The following RBFOX1 variants were observed in gnomAD, a reference collection of about 807,000 sequenced individuals.
RBFOX1 encodes RNA binding fox-1 homolog 1.
RBFOX1 carries 8 observed loss-of-function variants against 57.7 expected under a neutral mutation model. That is an observed-to-expected ratio of 0.14 (90% CI 0.08 to 0.25). RBFOX1 has a LOEUF of 0.25. Among genes scored for constraint, RBFOX1 ranks in the 10% least tolerant of loss-of-function variants. The probability of loss-of-function intolerance (pLI) is 1.00; values close to 1 mark genes in which losing one functional copy is unlikely to be tolerated. For missense variants in RBFOX1, 611 were observed against 548.5 expected, an observed-to-expected ratio of 1.11 and a Z score of -1.14; for synonymous variants, 326 against 222.4, an observed-to-expected ratio of 1.47 and a Z score of -4.15.
intron 3 of RBFOX1, among the ~76,000 whole-genome samples, chr16:6,760,389 C>CT (rs1245131054): frequency 1.3e-5 from 2 of 152,264 alleles, no homozygotes; most frequent in South Asian, 2.1e-4. Context: ...TCTTCAACAT[C>CT]TTAACTATCT....
At chr16:7,460,417 GTATATACATA>G (rs1567285750) in intron 4 of RBFOX1, among the ~76,000 whole-genome samples, 19 of 125,308 alleles carry the variant, frequency 1.5e-4, no homozygotes, top group Admixed American at 4.2e-4. Flanking sequence ...GTGTGTGTGT[GTATATACATA>G]TGTGTGTGTA....
At chr16:5,778,437 C>A (rs1177237383) in intron 3 of RBFOX1, among the ~76,000 whole-genome samples, 1 of 152,180 alleles carries the variant, frequency 6.6e-6, no homozygotes, top group East Asian at 1.9e-4. Flanking sequence ...CTTCAGCTCC[C>A]TGCCAGCCCA....
At chr16:6,245,589 C>T (rs1024504488) in intron 1 of RBFOX1, among the ~76,000 whole-genome samples, 1 of 152,172 alleles carries the variant, frequency 6.6e-6, no homozygotes, top group Non-Finnish European at 1.5e-5. Flanking sequence ...GCCCTCTACA[C>T]ACTAATAATA....
At chr16:6,270,252 G>A (rs1313710786) in intron 1 of RBFOX1, among the ~76,000 whole-genome samples, 1 of 152,020 alleles carries the variant, frequency 6.6e-6, no homozygotes, top group African/African-American at 2.4e-5. Context: ...TACATTAAAT[G>A]GCAATGGCCT....
At chr16:7,631,077 C>T (rs567887750) in intron 11 of RBFOX1, among the ~76,000 whole-genome samples, 16 of 152,306 alleles carry the variant, frequency 1.1e-4, no homozygotes, top group African/African-American at 2.6e-4. Context: ...GATTCTTGTA[C>T]ACAGTTGTCT....
At chr16:7,605,348 G>C (rs565869320) in intron 9 of RBFOX1, among the ~76,000 whole-genome samples, 1 of 152,112 alleles carries the variant, frequency 6.6e-6, no homozygotes, top group South Asian at 2.1e-4. Context: ...GAAACCGCTA[G>C]GGCAGTAGGT....
intron 2 of RBFOX1, among the ~76,000 whole-genome samples, chr16:6,506,873 C>G (rs1015053896): frequency 2.0e-5 from 3 of 152,068 alleles, no homozygotes; most frequent in Non-Finnish European, 2.9e-5. Flanking sequence ...GTCTCAAACT[C>G]CTGACCTCAA....
intron 4 of RBFOX1, among the ~76,000 whole-genome samples, chr16:7,214,964 G>A (rs1213400893): frequency 6.6e-6 from 1 of 152,128 alleles, no homozygotes; most frequent in Non-Finnish European, 1.5e-5. Flanking sequence ...AGGTGTCCAC[G>A]TGCCATGGTG....
intron 4 of RBFOX1, among the ~76,000 whole-genome samples, chr16:7,198,688 C>A (rs1050336911): frequency 6.6e-5 from 10 of 152,186 alleles, no homozygotes; most frequent in African/African-American, 2.2e-4. Flanking sequence ...ACTTTTATAA[C>A]AATCCACTCA....
rs889669390 is a variant in RBFOX1 at position 7,165,933 on chromosome 16, TACACACAC to T, written c.27+113861_27+113868del. On this transcript the variant is annotated intron_variant, in intron 4 of 15. Coordinates refer to ENST00000550418, the MANE Select transcript of RBFOX1 (RefSeq NM_018723.4). The stretch of plus-strand genomic sequence containing the variant: ...CCCCCTGCACCCCACCGCATGCACA[TACACACAC>T]ACACACACACACACACACACACACA... Among the ~76,000 whole-genome samples the T allele has an allele frequency of 5.4e-3, 779 of 143,262 alleles. 4 individuals are homozygous for T. Among genetic ancestry groups the T allele is most frequent in the Non-Finnish European group, 9.2e-3 (604 of 65,954 alleles). 94.0% of individuals were successfully genotyped at this position (143,262 alleles called of 152,430 possible). A position where few individuals can be genotyped will look rare whatever the true frequency, so the allele number is the denominator to read the frequency against.
intron 3 of RBFOX1, among the ~76,000 whole-genome samples, chr16:6,767,839 G>A (rs565377086): frequency 2.4e-4 from 36 of 151,444 alleles, no homozygotes; most frequent in African/African-American, 7.0e-4. Context: ...GCTTGAACCC[G>A]GGAGGTGGAG....
intron 3 of RBFOX1, among the ~76,000 whole-genome samples, chr16:6,801,817 T>G (rs2085532482): frequency 1.3e-5 from 2 of 152,148 alleles, no homozygotes; most frequent in African/African-American, 4.8e-5. Context: ...AAAGATTATA[T>G]ACCTTCTAAG....
At chr16:6,147,286 T>A (rs1008079882) in intron 1 of RBFOX1, among the ~76,000 whole-genome samples, 6 of 152,220 alleles carry the variant, frequency 3.9e-5, no homozygotes, top group African/African-American at 1.4e-4. Context: ...ATACTTTTCC[T>A]TCCTTACCAT....
chr16:6,570,768 T>C (rs1222425879), intron 2 of RBFOX1, among the ~76,000 whole-genome samples: 1 of 152,220 alleles, frequency 6.6e-6, no homozygotes, highest in Non-Finnish European at 1.5e-5. Context: ...TTTGTTTAAG[T>C]GTGGAAATAG....
chr16:6,859,175 G>GTA lies in RBFOX1; in HGVS notation c.-15-192874_-15-192873dup, dbSNP rs1383838091. ...TATGTATATATATACGTATATATATGTATATATATGTATATATATATGTAT... is the reference window on the plus strand; with the variant it reads ...TATGTATATATATACGTATATATATGTATATATATATGTATATATATATGTAT... On this transcript the variant is annotated intron_variant, in intron 3 of 15. Coordinates refer to ENST00000550418, the MANE Select transcript of RBFOX1 (RefSeq NM_018723.4). 1.8e-3 allele frequency among the ~76,000 whole-genome samples: 119 copies of GTA among 66,482 alleles called. 4 individuals are homozygous for GTA. The highest frequency in any genetic ancestry group is 9.1e-3 in the African/African-American group (115 of 12,588). The allele number at this position is 66,482 out of a possible 152,430, so 43.6% of individuals were successfully genotyped here. A position where few individuals can be genotyped will look rare whatever the true frequency, so the allele number is the denominator to read the frequency against.
rs189084506 is a variant in RBFOX1 at position 6,968,322 on chromosome 16, A to G, written c.-15-83735A>G. Among the ~76,000 whole-genome samples the G allele has an allele frequency of 1.2e-3, 177 of 152,328 alleles. 1 individual carries two copies. The highest frequency in any genetic ancestry group is 4.3e-3 in the African/African-American group (177 of 41,580). ...GCCTGGTGAAATTAGCAGCGATGGA[A>G]ACAATGCAAACATTTCATTTCTTTT... On this transcript the variant is annotated intron_variant, in intron 3 of 15. Coordinates refer to ENST00000550418, the MANE Select transcript of RBFOX1 (RefSeq NM_018723.4).
Position 7,084,549 on chromosome 16 carries a change from G to T in RBFOX1, c.27+32451G>T, listed in dbSNP as rs552024619. Among the ~76,000 whole-genome samples, 3 of 152,246 alleles carry T rather than the reference G, an allele frequency of 2.0e-5. 1 individual carries two copies. The Middle Eastern group carries it at 0.01, about 518-fold the overall frequency. On this transcript the variant is annotated intron_variant, in intron 4 of 15. Transcript: ENST00000550418. ...CATGCAGCAATGCCCCAAAAGAAAG[G>T]GGAATGTCAAGGTGCTGCCTCATAA...
At chr16:6,663,504 G>C (rs768334217) in intron 3 of RBFOX1, among the ~76,000 whole-genome samples, 4 of 152,130 alleles carry the variant, frequency 2.6e-5, no homozygotes, top group Non-Finnish European at 4.4e-5. Context: ...ATGGGAGAAG[G>C]TTCACTCCTT....
chr16:6,880,141 G>C (rs2062633430), intron 3 of RBFOX1, among the ~76,000 whole-genome samples: 1 of 152,134 alleles, frequency 6.6e-6, no homozygotes, highest in South Asian at 2.1e-4. Context: ...GCTGGTGTTA[G>C]ATGCACAGTT....
Sources: gnomAD v4.1 joint callset for allele counts (sites outside exome capture counted in the v4.1 genomes callset) on GRCh38, gnomAD v4.1.1 for gene constraint, MANE v1.5 for transcripts, NCBI Gene and HGNC (gene_info 2026-07-23, HGNC 2026-07-21) for gene names.